WIPI2: variants seen among roughly 807,000 people sequenced by gnomAD.
WIPI2 encodes the protein WD repeat domain, phosphoinositide interacting 2, also known as WD repeat domain phosphoinositide-interacting protein 2.
A neutral mutation model predicts 52.3 loss-of-function variants in WIPI2; 28 were observed. That is an observed-to-expected ratio of 0.54 (90% CI 0.40 to 0.73). The LOEUF is 0.73. WIPI2 is among the 30% of genes least tolerant of loss of function. The pLI, the probability that WIPI2 is intolerant of heterozygous loss-of-function variation, is 0.00. For missense variants in WIPI2, 506 were observed against 602.9 expected, an observed-to-expected ratio of 0.84 and a Z score of 1.68; for synonymous variants, 268 against 245.0, an observed-to-expected ratio of 1.09 and a Z score of -0.88.
chr7:5,225,344 T>C (rs942168766), intron 8 of WIPI2, among the ~76,000 whole-genome samples: 5 of 152,100 alleles, frequency 3.3e-5, no homozygotes, highest in African/African-American at 1.2e-4. Context: ...GGTTTCACCA[T>C]GTTGGCCAGG....
intron 1 of WIPI2, 45 bp from the exon 2 acceptor site, chr7:5,193,073 G>GT (rs749294625): frequency 1.5e-5 from 24 of 1,584,420 alleles, no homozygotes; most frequent in South Asian, 2.2e-5. Flanking sequence ...AGTTTTATTT[G>GT]TTTTTTACCA....
chr7:5,208,214 C>T (rs564860664), intron 3 of WIPI2, among the ~76,000 whole-genome samples: 22 of 152,232 alleles, frequency 1.4e-4, no homozygotes, highest in Admixed American at 2.6e-4. Context: ...TATATATCTT[C>T]CTCTGTGACA....
At position 5,231,892 on chromosome 7, in the gene WIPI2, G is replaced by A. The variant is rs1177434815; in HGVS notation, c.*945G>A. 1.0e-5 allele frequency: 3 copies of A among 285,852 alleles called. No homozygotes were observed. Among genetic ancestry groups the A allele is most frequent in the Non-Finnish European group, 1.9e-5 (3 of 154,858 alleles). The allele number at this position is 285,852 out of a possible 1,614,324, so 17.7% of individuals were successfully genotyped here. ...CCTACCTGTGTGAGAGGTCGTAGCG[G>A]GAGACAGCAACAGAGAGTAGGCGGC... On this transcript the variant is annotated 3_prime_UTR_variant, in exon 13 of 13. Coordinates refer to ENST00000288828, the MANE Select transcript of WIPI2 (RefSeq NM_015610.4).
intron 8 of WIPI2, among the ~76,000 whole-genome samples, chr7:5,223,044 G>C (rs1042294128): frequency 6.6e-6 from 1 of 152,180 alleles, no homozygotes; most frequent in African/African-American, 2.4e-5. Flanking sequence ...CAGCTCTCCA[G>C]CTCCGCCTCC....
At chr7:5,219,687 T>C (rs759257662) in intron 7 of WIPI2, among the ~76,000 whole-genome samples, 4 of 152,228 alleles carry the variant, frequency 2.6e-5, no homozygotes, top group Non-Finnish European at 4.4e-5. Flanking sequence ...TTATGTCTCA[T>C]CTGAAAGTTT....
At chr7:5,197,464 G>C (rs1198263207) in intron 2 of WIPI2, among the ~76,000 whole-genome samples, 3 of 152,036 alleles carry the variant, frequency 2.0e-5, no homozygotes, top group South Asian at 4.2e-4. Flanking sequence ...AATAGTTACA[G>C]GTAATAATAC....
At chr7:5,213,266 CAGAA>C (rs1258004855) in intron 3 of WIPI2, 1 of 152,190 alleles carries the variant, frequency 6.6e-6, no homozygotes, top group East Asian at 1.9e-4. Context: ...TTGCTGTTGT[CAGAA>C]AGAAGGTTTA....
At chr7:5,197,111 CAAAAAACAAAAAAAAAAAA>C (rs1315096074) in intron 2 of WIPI2, among the ~76,000 whole-genome samples, 64 of 56,430 alleles carry the variant, frequency 1.1e-3, no homozygotes, top group African/African-American at 4.9e-3. Flanking sequence ...GACTCCGTCT[CAAAAAACAAAAAAAAAAAA>C]AAAAAAAAAA....
chr7:5,193,567 G>C (rs1409871875), intron 2 of WIPI2, among the ~76,000 whole-genome samples: 6 of 152,140 alleles, frequency 3.9e-5, no homozygotes, highest in Admixed American at 2.6e-4. Flanking sequence ...TGTAAATCAA[G>C]GGTTTGGGTT....
chr7:5,219,936 A>AGT (rs1348867238), intron 7 of WIPI2, among the ~76,000 whole-genome samples: 5 of 151,198 alleles, frequency 3.3e-5, no homozygotes. Flanking sequence ...CCCAGGCTTA[A>AGT]GTGATCTTCC....
chr7:5,202,860 G>A (rs1562388667), intron 3 of WIPI2, among the ~76,000 whole-genome samples: 1 of 152,146 alleles, frequency 6.6e-6, no homozygotes, highest in Non-Finnish European at 1.5e-5. Flanking sequence ...ACACTGTTAG[G>A]CAAAATAAAT....
At chr7:5,209,851 A>G (rs1782466362) in intron 3 of WIPI2, among the ~76,000 whole-genome samples, 1 of 152,062 alleles carries the variant, frequency 6.6e-6, no homozygotes. Flanking sequence ...TTGCCCATGC[A>G]TATCCCCCAG....
intron 3 of WIPI2, among the ~76,000 whole-genome samples, chr7:5,200,453 G>T (rs896883271): frequency 6.6e-6 from 1 of 152,152 alleles, no homozygotes; most frequent in East Asian, 1.9e-4. Context: ...CAAAGCCCCA[G>T]TGTAATATCA....
chr7:5,224,082 C>T (rs1255525822), intron 8 of WIPI2, among the ~76,000 whole-genome samples: 2 of 152,258 alleles, frequency 1.3e-5, no homozygotes, highest in Non-Finnish European at 2.9e-5. Context: ...AGCCCCAGGC[C>T]CCTGCCTTGG....
At chr7:5,190,828 G>A in intron 1 of WIPI2, 1 of 216,114 alleles carries the variant, frequency 4.6e-6, no homozygotes, top group Non-Finnish European at 9.1e-6. Context: ...TGTCTTGGCC[G>A]CCTGTGGAGC....
At chr7:5,215,016 A>G (rs1046864384) in intron 4 of WIPI2, among the ~76,000 whole-genome samples, 4 of 152,244 alleles carry the variant, frequency 2.6e-5, no homozygotes, top group Admixed American at 6.5e-5. Context: ...TGTTACTTAA[A>G]AAAAATATAT....
At chr7:5,222,457 C>T (rs986470384) in intron 7 of WIPI2, 145 bp from the exon 8 acceptor site, 2 of 786,106 alleles carry the variant, frequency 2.5e-6, no homozygotes, top group South Asian at 2.9e-5. Context: ...TCAAGGGGGG[C>T]CCTGGGGGAC....
intron 3 of WIPI2, chr7:5,214,083 T>C (rs1025258846): frequency 1.1e-5 from 3 of 272,098 alleles, no homozygotes; most frequent in African/African-American, 6.7e-5. Flanking sequence ...TTTGGACATG[T>C]GTGATTCTTT....
At position 5,231,974 on chromosome 7, in the gene WIPI2, T is replaced by A. The variant is rs959634607; in HGVS notation, c.*1027T>A. 1 of 390,212 alleles carries A rather than the reference T, an allele frequency of 2.6e-6. No individual in the cohort carries two copies. The highest frequency in any genetic ancestry group is 2.1e-5 in the African/African-American group (1 of 48,460). The allele number at this position is 390,212 out of a possible 1,614,324, so 24.2% of individuals were successfully genotyped here. On this transcript the variant is annotated 3_prime_UTR_variant, in exon 13 of 13. Transcript: ENST00000288828. ...CTTTCTATTTTCATCTTAGAAAATTTCCTCAGCAAACCGATGAGAGATTGT... is the reference window on the plus strand; with the variant it reads ...CTTTCTATTTTCATCTTAGAAAATTACCTCAGCAAACCGATGAGAGATTGT...
Sources: allele counts gnomAD v4.1 joint callset (sites outside exome capture counted in the v4.1 genomes callset), GRCh38; gene constraint gnomAD v4.1.1; transcripts MANE v1.5; gene names NCBI Gene and HGNC (gene_info 2026-07-23, HGNC 2026-07-21).